The following ZNF44 variants were observed in gnomAD, a reference collection of about 807,000 sequenced individuals.
ZNF44 encodes the protein gonadotropin inducible transcription repressor-2.
In ZNF44, 9 loss-of-function variants were observed where a neutral mutation model predicts 11.7. The ratio of observed to expected loss-of-function variants is 0.77; its 90% CI spans 0.46 to 1.35. The LOEUF is 1.35. ZNF44 is among the 40% of genes most tolerant of loss of function. The pLI is 0.00. For synonymous variants in ZNF44, 224 were observed against 242.7 expected, an observed-to-expected ratio of 0.92 and a Z score of 0.72; for missense variants, 696 against 743.1, an observed-to-expected ratio of 0.94 and a Z score of 0.74.
chr19:12,239,568 ATTTTTTTTT>A (rs1158604076), upstream of ZNF44, among the ~76,000 whole-genome samples: 7 of 76,052 alleles, frequency 9.2e-5, no homozygotes, highest in East Asian at 2.2e-3. Flanking sequence ...CCCAAGTTGC[ATTTTTTTTT>A]TTTTTTTTTT....
intron 5 of ZNF44, among the ~76,000 whole-genome samples, chr19:12,253,060 T>TA (rs1917085950): frequency 6.6e-6 from 1 of 151,620 alleles, no homozygotes. Flanking sequence ...GCTAATTTTT[T>TA]ATTTTTTAGT....
chr19:12,281,090 T>A (rs1433035039), intron 1 of ZNF44, among the ~76,000 whole-genome samples: 1 of 152,210 alleles, frequency 6.6e-6, no homozygotes, highest in African/African-American at 2.4e-5. Context: ...GCACTATCAA[T>A]CAACTGGATT....
chr19:12,253,108 C>T (rs1345422534), intron 5 of ZNF44, among the ~76,000 whole-genome samples: 1 of 150,972 alleles, frequency 6.6e-6, no homozygotes, highest in South Asian at 2.1e-4. Context: ...CAGCTAGTCT[C>T]GAACTCCTGA....
At chr19:12,257,915 G>A (rs947950727) in intron 5 of ZNF44, among the ~76,000 whole-genome samples, 2 of 151,800 alleles carry the variant, frequency 1.3e-5, no homozygotes, top group African/African-American at 4.8e-5. Context: ...AGATTACAGT[G>A]AGCCAAGATT....
chr19:12,278,045 T>C (rs1372616163), intron 1 of ZNF44, among the ~76,000 whole-genome samples: 5 of 152,292 alleles, frequency 3.3e-5, no homozygotes, highest in Non-Finnish European at 4.4e-5. Context: ...GGCCCCCAAA[T>C]CTAGCCATAA....
intron 1 of ZNF44, among the ~76,000 whole-genome samples, chr19:12,290,181 T>C (rs1234121896): frequency 7.2e-6 from 1 of 139,762 alleles, no homozygotes; most frequent in East Asian, 2.2e-4. Flanking sequence ...AGGTCGGGAG[T>C]TCAAGACCAG....
chr19:12,291,347 C>A, intron 1 of ZNF44: 1 of 415,854 alleles, frequency 2.4e-6, no homozygotes, highest in Non-Finnish European at 4.7e-6. Context: ...TTTCTGCAGC[C>A]AAAATGGAAG....
intron 3 of ZNF44, among the ~76,000 whole-genome samples, chr19:12,227,571 A>C (rs1212387324): frequency 1.3e-5 from 2 of 152,218 alleles, no homozygotes; most frequent in Non-Finnish European, 2.9e-5. Flanking sequence ...GTGCCATTGC[A>C]CTCCAGCCTG....
chr19:12,232,472 T>C (rs1916204641), intron 2 of ZNF44, among the ~76,000 whole-genome samples: 1 of 152,210 alleles, frequency 6.6e-6, no homozygotes, highest in South Asian at 2.1e-4. Flanking sequence ...CTGGCTTTCC[T>C]AGGCAGAGGT....
intron 1 of ZNF44, among the ~76,000 whole-genome samples, chr19:12,235,573 T>C (rs1420867206): frequency 6.6e-6 from 1 of 152,080 alleles, no homozygotes; most frequent in African/African-American, 2.4e-5. Flanking sequence ...TCAACAAATA[T>C]TCACAAATTG....
Position 12,273,951 on chromosome 19 carries a change from C to A in ZNF44, c.304G>T (p.Ala102Ser), listed in dbSNP as rs752541470. ...TCTCCATTCACACTGCTTCCACATG[C>A]ATCTACTCTGGCGGGAGTGTTCTTG... Reference protein sequence around the residue: ...VNKNTPARVDACGSSVNGEVI... With the variant: ...VNKNTPARVDSCGSSVNGEVI... The change falls in exon 4 of 4, where the codon GCA becomes TCA. Residue 102 changes from alanine (A) to serine (S), a missense_variant. Transcript: ENST00000355684. 6.2e-7 allele frequency: 1 copy of A among 1,614,200 alleles called. No individual in the cohort carries two copies. The highest frequency in any genetic ancestry group is 8.5e-7 in the Non-Finnish European group (1 of 1,180,044).
At chr19:12,250,592 C>G (rs571922783) in intron 5 of ZNF44, among the ~76,000 whole-genome samples, 1 of 152,276 alleles carries the variant, frequency 6.6e-6, no homozygotes, top group African/African-American at 2.4e-5. Flanking sequence ...TATTGCTTTC[C>G]AATGGCAGGA....
In ZNF44 at chr19:12,273,632, CA is replaced by C. The variant is rs1325819749; in HGVS notation, c.622del (p.Trp208GlyfsTer34). 2 of 1,613,698 alleles carry C rather than the reference CA, an allele frequency of 1.2e-6. No homozygotes were observed. Among genetic ancestry groups the C allele is most frequent in the East Asian group, 2.2e-5 (1 of 44,836 alleles). On this transcript the variant is annotated frameshift_variant, in exon 4 of 4. Coordinates refer to ENST00000355684, the MANE Select transcript of ZNF44 (RefSeq NM_016264.4). LOFTEE classifies it low-confidence loss of function (END_TRUNC). ...KCELCGKAFF[W>X]PSLLRMHERT... is the part of the protein sequence containing the mutation. ...TTCATGCATACGTAATAAACTGGGCCAAAAAAAGGCTTTCCCACACAATTCA... is the reference window on the plus strand; with the variant it reads ...TTCATGCATACGTAATAAACTGGGCCAAAAAAGGCTTTCCCACACAATTCA...
intron 5 of ZNF44, among the ~76,000 whole-genome samples, chr19:12,258,616 G>A (rs565734465): frequency 1.3e-5 from 2 of 152,144 alleles, no homozygotes; most frequent in East Asian, 3.9e-4. Context: ...AATCACTTGC[G>A]GCCAGGAGTT....
chr19:12,231,249 G>A (rs1008161948), intron 2 of ZNF44, among the ~76,000 whole-genome samples: 2 of 152,100 alleles, frequency 1.3e-5, no homozygotes, highest in African/African-American at 4.8e-5. Context: ...CATGGTTTGT[G>A]AGTATGGTGC....
At chr19:12,277,028 T>C (rs1364928738) in intron 1 of ZNF44, among the ~76,000 whole-genome samples, 1 of 152,170 alleles carries the variant, frequency 6.6e-6, no homozygotes, top group African/African-American at 2.4e-5. Context: ...TCATTTCTTA[T>C]AGATTACCCC....
intron 1 of ZNF44, among the ~76,000 whole-genome samples, chr19:12,291,668 T>C (rs1287658209): frequency 6.7e-6 from 1 of 150,332 alleles, no homozygotes; most frequent in Non-Finnish European, 1.5e-5. Context: ...ACAGCACTCC[T>C]GGGTGATAGA....
At chr19:12,270,179 AAAAT>A (rs1164184584), downstream of ZNF44, among the ~76,000 whole-genome samples, 31 of 152,124 alleles carry the variant, frequency 2.0e-4, no homozygotes, top group Non-Finnish European at 3.5e-4. Context: ...TAACTAGGGT[AAAAT>A]AGATACATTT....
At chr19:12,284,753 C>A in intron 1 of ZNF44, 1 of 806,252 alleles carries the variant, frequency 1.2e-6, no homozygotes, top group South Asian at 1.4e-5. Flanking sequence ...CAGCCACTGC[C>A]ATCCGCGGGG....
Sources: gnomAD v4.1 joint callset for allele counts (sites outside exome capture counted in the v4.1 genomes callset) on GRCh38, gnomAD v4.1.1 for gene constraint, MANE v1.5 for transcripts, NCBI Gene and HGNC (gene_info 2026-07-23, HGNC 2026-07-21) for gene names.